The following PRPF8 variants were observed in gnomAD, a reference collection of about 807,000 sequenced individuals.
The protein encoded by PRPF8 is pre-mRNA-processing-splicing factor 8.
In PRPF8, 64 loss-of-function variants were observed where a neutral mutation model predicts 285.9. That is an observed-to-expected ratio of 0.22 (90% CI 0.18 to 0.28). The LOEUF (loss-of-function observed/expected upper bound fraction) is 0.28, where lower values mean the gene tolerates loss of function less well. PRPF8 is among the 10% of genes least tolerant of loss of function. PRPF8 has a pLI of 1.00. For synonymous variants in PRPF8, 1,325 were observed against 1,118.2 expected, an observed-to-expected ratio of 1.18 and a Z score of -3.69; for missense variants, 1,426 against 3,026.7, an observed-to-expected ratio of 0.47 and a Z score of 12.41.
chr17:1,656,861 A>G, intron 34 of PRPF8, 100 bp from the exon 35 acceptor site: 1 of 1,056,254 alleles, frequency 9.5e-7, no homozygotes, highest in Non-Finnish European at 1.4e-6. Context: ...CTACGTTTCT[A>G]TTGAACACTG....
intron 34 of PRPF8, among the ~76,000 whole-genome samples, chr17:1,657,765 G>A (rs1301714294): frequency 1.2e-4 from 18 of 150,234 alleles, no homozygotes; most frequent in Non-Finnish European, 2.7e-4. Flanking sequence ...TCAGGAGATC[G>A]AGACCATCCT....
Position 1,679,165 on chromosome 17 carries a change from G to A in PRPF8, c.1451C>T (p.Ser484Phe). Residue 484 changes from serine to phenylalanine, a missense_variant, in exon 11 of 43, where the codon TCC becomes TTC. Transcript: ENST00000304992. This position sits in a 1 kb window ranked among gnomAD's most constrained non-coding sequence, Gnocchi z 4.7. ...AACCTCCACCCAGTCCAGCTTTGTGGACTGAAAGAATTTGGTGGCTTTGAA... is the reference window on the plus strand; with the variant it reads ...AACCTCCACCCAGTCCAGCTTTGTGAACTGAAAGAATTTGGTGGCTTTGAA... ...RSFKATKFFQ[S>F]TKLDWVEVGL... The A allele has an allele frequency of 6.2e-7, 1 of 1,614,220 alleles. No homozygotes were observed. The highest frequency in any genetic ancestry group is 8.5e-7 in the Non-Finnish European group (1 of 1,180,040).
chr17:1,659,692 C>T lies in PRPF8; in HGVS notation c.4947-144G>A. The T allele has an allele frequency of 7.4e-7, 1 of 1,358,192 alleles. No homozygotes were observed. The highest frequency in any genetic ancestry group is 1.2e-5 in the South Asian group (1 of 81,144). The allele number at this position is 1,358,192 out of a possible 1,614,324, so 84.1% of individuals were successfully genotyped here. A position where few individuals can be genotyped will look rare whatever the true frequency, so the allele number is the denominator to read the frequency against. Reference sequence around the variant, plus strand: ...GCAGGACCCCAGAGAATCAGCAGATCTGACTAAGGGTGTTGACAGGCTCCA... The same window carrying T: ...GCAGGACCCCAGAGAATCAGCAGATTTGACTAAGGGTGTTGACAGGCTCCA... On this transcript the variant is annotated intron_variant, in intron 31 of 42. Transcript: ENST00000304992. The surrounding 1 kb of genome is among the most constrained non-coding windows in gnomAD (Gnocchi z 5.1).
At position 1,682,233 on chromosome 17, in the gene PRPF8, C is replaced by T; in HGVS notation, c.330G>A (p.Trp110Ter). Residue 110 changes from tryptophan (W) to a stop codon, truncating the protein, a stop_gained, in exon 4 of 43, where the codon TGG (tryptophan) becomes TGA (stop). Transcript: ENST00000304992. LOFTEE classifies it high-confidence loss of function. ...LKLLENMPMP[W>*]EQIRDVPVLY... ...GCACAGGCACATCCCGAATCTGCTC[C>T]CAAGGCATAGGCATGTTCTCCAGGA... 1 of 1,614,120 alleles carries T rather than the reference C, an allele frequency of 6.2e-7. No homozygotes were observed. Among genetic ancestry groups the T allele is most frequent in the Non-Finnish European group, 8.5e-7 (1 of 1,180,014 alleles).
At position 1,673,067 on chromosome 17, in the gene PRPF8, T is replaced by C. The variant is rs1431784646; in HGVS notation, c.3774+14A>G. On this transcript the variant is annotated intron_variant, in intron 24 of 42. Transcript: ENST00000304992. The surrounding 1 kb of genome is among the most constrained non-coding windows in gnomAD (Gnocchi z 5.5). ...CAGAGGACAAGAGGGAAGCTGGGCA[T>C]GACGGCCCTGTACCTTGGTGAAGGT... The C allele has an allele frequency of 9.9e-6, 16 of 1,612,718 alleles. No individual in the cohort carries two copies. The highest frequency in any genetic ancestry group is 1.4e-5 in the Non-Finnish European group (16 of 1,178,674).
chr17:1,674,172 G>A (rs1002209223), intron 21 of PRPF8, among the ~76,000 whole-genome samples: 1 of 152,042 alleles, frequency 6.6e-6, no homozygotes, highest in African/African-American at 2.4e-5. Context: ...ACAGGCACCC[G>A]CCACCACGCC....
At chr17:1,678,071 T>C (rs1039352459) in intron 13 of PRPF8, among the ~76,000 whole-genome samples, 2 of 152,036 alleles carry the variant, frequency 1.3e-5, no homozygotes, top group African/African-American at 2.4e-5. Context: ...TCCCAGTACT[T>C]TGGGAGGCCG....
intron 24 of PRPF8, among the ~76,000 whole-genome samples, chr17:1,666,903 G>A (rs28469839): frequency 0.18 from 27,883 of 152,078 alleles, 5,401 homozygotes; most frequent in African/African-American, 0.49. Context: ...GGCCGGGTGC[G>A]GTGGCTCATG....
rs1802491 is a variant in PRPF8, at chr17:1,651,476, A to G, written c.6588T>C (p.His2196=). The change falls in exon 41 of 43, where the codon CAT becomes CAC. Residue 2196 remains histidine (H), a synonymous_variant. Coordinates refer to ENST00000304992, the MANE Select transcript of PRPF8 (RefSeq NM_006445.4). This position sits in a 1 kb window ranked among gnomAD's most constrained non-coding sequence, Gnocchi z 5.1. ...ATGGGTTGTCAGCCATGATCTTGGC[A>G]TGGGTGGTGACATCCTGGGGTGATA... ...PQLSPQDVTT[H]AKIMADNPSW... The G allele has an allele frequency of 0.087, 141,203 of 1,614,012 alleles. 15,583 individuals are homozygous for G. Among genetic ancestry groups the G allele is most frequent in the African/African-American group, 0.56 (41,873 of 74,958 alleles).
At chr17:1,654,389 C>A in intron 37 of PRPF8, 1 of 389,374 alleles carries the variant, frequency 2.6e-6, no homozygotes, top group Non-Finnish European at 4.8e-6. Flanking sequence ...TTGGTTGCCA[C>A]GATGACAGGG....
chr17:1,672,288 T>C (rs1178619586), intron 24 of PRPF8, among the ~76,000 whole-genome samples: 3 of 152,168 alleles, frequency 2.0e-5, no homozygotes, highest in Non-Finnish European at 4.4e-5. Flanking sequence ...TTTTGTTTGT[T>C]TGTATTTTGA....
chr17:1,678,780 G>A lies in PRPF8; in HGVS notation c.1701C>T (p.Gly567=). ...VVDSHVQYRL[G]NVDAFQLADG... ...ACCTTACCTGGAAGGCATCCACATT[G>A]CCCAGCCGATACTGCACGTGACTAT... The change falls in exon 12 of 43, where the codon GGC becomes GGT. Residue 567 remains glycine (G), a synonymous_variant. Coordinates refer to ENST00000304992, the MANE Select transcript of PRPF8 (RefSeq NM_006445.4). 7 of 1,611,950 alleles carry A rather than the reference G, an allele frequency of 4.3e-6. No homozygotes were observed. Among genetic ancestry groups the A allele is most frequent in the Non-Finnish European group, 5.9e-6 (7 of 1,179,618 alleles).
In PRPF8 at chr17:1,658,158, C is replaced by T. The variant is rs544176083; in HGVS notation, c.5505+95G>A. 3.2e-5 allele frequency: 50 copies of T among 1,571,688 alleles called. No homozygotes were observed. Among genetic ancestry groups the T allele is most frequent in the Non-Finnish European group, 4.4e-5 (50 of 1,147,856 alleles). On this transcript the variant is annotated intron_variant, in intron 34 of 42. Transcript: ENST00000304992. The surrounding 1 kb of genome is among the most constrained non-coding windows in gnomAD (Gnocchi z 4.1). Reference sequence around the variant, plus strand: ...ATAAGTTCAAATGAGATGTTCTCAGCCTTTCATCTAATAAACCAGTAAATA... The same window carrying T: ...ATAAGTTCAAATGAGATGTTCTCAGTCTTTCATCTAATAAACCAGTAAATA...
intron 24 of PRPF8, 168 bp downstream of exon 24, chr17:1,672,912 CG>C (rs781664137): frequency 2.0e-4 from 140 of 695,022 alleles, no homozygotes; most frequent in Middle Eastern, 1.9e-3. Context: ...CAGAAAATAA[CG>C]ATGAAGTGAC....
rs1377514060 is a variant in PRPF8, at chr17:1,655,511, G to A, written c.5826C>T (p.Ala1942=). 2 of 1,613,878 alleles carry A rather than the reference G, an allele frequency of 1.2e-6. No homozygotes were observed. Among genetic ancestry groups the A allele is most frequent in the African/African-American group, 1.3e-5 (1 of 74,866 alleles). Residue 1942 remains alanine, a synonymous_variant, in exon 37 of 43, where the codon GCC becomes GCT. Transcript: ENST00000304992. ...AFSRLILILR[A]LHVNNDRAKV... is the part of the protein sequence containing the mutation. ...TTGCCCGATCGTTGTTCACATGTAGGGCACGCAGAATCAGGATGAGACGGG... is the reference window on the plus strand; with the variant it reads ...TTGCCCGATCGTTGTTCACATGTAGAGCACGCAGAATCAGGATGAGACGGG...
At position 1,658,248 on chromosome 17, in the gene PRPF8, C is replaced by T. The variant is rs772035141; in HGVS notation, c.5505+5G>A. 1 of 1,614,180 alleles carries T rather than the reference C, an allele frequency of 6.2e-7. No homozygotes were observed. Among genetic ancestry groups the T allele is most frequent in the East Asian group, 2.2e-5 (1 of 44,886 alleles). On this transcript the variant is annotated splice_donor_5th_base_variant and intron_variant, in intron 34 of 42. Coordinates refer to ENST00000304992, the MANE Select transcript of PRPF8 (RefSeq NM_006445.4). This position sits in a 1 kb window ranked among gnomAD's most constrained non-coding sequence, Gnocchi z 4.1. ...TACAGCCTCTTCATCTTTAAACCTG[C>T]TCACCTGCCCCAAACGCTTCTGTCC...
intron 24 of PRPF8, among the ~76,000 whole-genome samples, chr17:1,668,536 G>T (rs1306921788): frequency 6.6e-6 from 1 of 151,620 alleles, no homozygotes; most frequent in East Asian, 1.9e-4. Flanking sequence ...CTAATTTTTT[G>T]TATTTTTAGT....
intron 34 of PRPF8, among the ~76,000 whole-genome samples, chr17:1,657,358 T>C (rs1018482055): frequency 4.6e-5 from 7 of 152,100 alleles, no homozygotes; most frequent in Non-Finnish European, 1.0e-4. Context: ...AGAATATGCG[T>C]TGCTGGGCCG....
chr17:1,669,075 G>A (rs754828098), intron 24 of PRPF8, among the ~76,000 whole-genome samples: 17 of 151,988 alleles, frequency 1.1e-4, no homozygotes, highest in Non-Finnish European at 2.1e-4. Context: ...TCTATCCCTA[G>A]GGAGACCCTC....
Sources: gnomAD v4.1 joint callset for allele counts (sites outside exome capture counted in the v4.1 genomes callset) on GRCh38, gnomAD v4.1.1 for gene constraint, Gnocchi (gnomAD v3.1) non-coding constraint, MANE v1.5 for transcripts, NCBI Gene and HGNC (gene_info 2026-07-23, HGNC 2026-07-21) for gene names.